The following DNAH3 variants were observed in gnomAD, a reference collection of about 807,000 sequenced individuals.
DNAH3 encodes the protein dynein axonemal heavy chain 3.
Under a neutral mutation model 432.5 loss-of-function variants are expected in DNAH3, and 332 were observed. The ratio of observed to expected loss-of-function variants is 0.77; its 90% CI spans 0.70 to 0.84. The LOEUF (loss-of-function observed/expected upper bound fraction) is 0.84. Among genes scored for constraint, DNAH3 ranks in the 40% least tolerant of loss-of-function variants. DNAH3 has a pLI of 0.00. For synonymous variants in DNAH3, 1,956 were observed against 1,900.2 expected (o/e 1.03, Z -0.76); for missense variants, 4,861 against 5,114.0 (o/e 0.95, Z 1.51).
At chr16:21,024,794 A>T (rs2088455389) in intron 38 of DNAH3, 93 bp from the exon 39 acceptor site, 1 of 958,946 alleles carries the variant, frequency 1.0e-6, no homozygotes, top group Non-Finnish European at 1.7e-6. Flanking sequence ...GTCAGGCACC[A>T]TGCTAGGCAT....
chr16:21,025,511 C>T (rs330152), intron 38 of DNAH3, among the ~76,000 whole-genome samples: 75,778 of 146,928 alleles, frequency 0.52, 19,722 homozygotes, highest in African/African-American at 0.61. Context: ...ATAGATATAA[C>T]ATATTTATAG....
chr16:21,067,283 C>T (rs1326987596), exon 24 of DNAH3: 1 of 1,613,782 alleles, frequency 6.2e-7, no homozygotes, highest in African/African-American at 1.3e-5. Flanking sequence ...TGCTGGATAC[C>T]TGGGGAAGAA....
chr16:20,977,109 T>TCA (rs1296939480), intron 50 of DNAH3, among the ~76,000 whole-genome samples: 3 of 152,176 alleles, frequency 2.0e-5, no homozygotes, highest in Admixed American at 2.0e-4. Flanking sequence ...GCTCAGTGGT[T>TCA]CACACCTGTA....
At chr16:21,095,006 T>G (rs2091638237) in intron 18 of DNAH3, among the ~76,000 whole-genome samples, 1 of 152,174 alleles carries the variant, frequency 6.6e-6, no homozygotes, top group Non-Finnish European at 1.5e-5. Context: ...ATTAAACTTC[T>G]TTTTCTTTAC....
intron 24 of DNAH3, among the ~76,000 whole-genome samples, chr16:21,063,480 T>A (rs920061509): frequency 2.7e-5 from 4 of 149,400 alleles, no homozygotes; most frequent in African/African-American, 9.7e-5. Flanking sequence ...TTATTTATTT[T>A]TTTATTTTAT....
chr16:20,950,010 T>TTTA (rs902160381), intron 56 of DNAH3, among the ~76,000 whole-genome samples: 1 of 152,152 alleles, frequency 6.6e-6, no homozygotes, highest in African/African-American at 2.4e-5. Context: ...TTCACTTCTA[T>TTTA]TTATTATTAT....
chr16:20,972,271 T>C (rs2085377399), intron 51 of DNAH3, among the ~76,000 whole-genome samples: 1 of 151,680 alleles, frequency 6.6e-6, no homozygotes, highest in Admixed American at 6.6e-5. Flanking sequence ...TCTTACTCCG[T>C]TGTCCAGGCT....
At chr16:21,153,931 T>C (rs1026015455) in intron 1 of DNAH3, among the ~76,000 whole-genome samples, 3 of 152,170 alleles carry the variant, frequency 2.0e-5, no homozygotes, top group Admixed American at 6.5e-5. Flanking sequence ...CCATCTCTTA[T>C]ATTATGCTCT....
At chr16:21,102,041 TG>T (rs2091850114) in intron 16 of DNAH3, among the ~76,000 whole-genome samples, 1 of 152,204 alleles carries the variant, frequency 6.6e-6, no homozygotes. Flanking sequence ...ATGAGATGGA[TG>T]GATGCATGAA....
chr16:21,126,562 G>A (rs931767645), intron 8 of DNAH3, among the ~76,000 whole-genome samples: 2 of 152,132 alleles, frequency 1.3e-5, no homozygotes, highest in African/African-American at 2.4e-5. Flanking sequence ...TCTTGAGGCC[G>A]TTTATCTGGA....
exon 55 of DNAH3, chr16:20,955,036 T>C: frequency 6.2e-7 from 1 of 1,610,402 alleles, no homozygotes; most frequent in Non-Finnish European, 8.5e-7. Context: ...ACTTCTCTGA[T>C]GGATAGCTGG....
intron 40 of DNAH3, among the ~76,000 whole-genome samples, 153 bp downstream of exon 40, chr16:21,021,818 A>G (rs1373152781): frequency 6.6e-6 from 1 of 151,782 alleles, no homozygotes; most frequent in Non-Finnish European, 1.5e-5. Context: ...CAGGAGAATC[A>G]CTTGAACCTG....
rs748489814 is a variant in DNAH3 at position 20,975,415 on chromosome 16, C to CCTAG, written c.8077-4_8077-1dup (p.Val2693LeufsTer31). 5.3e-5 allele frequency: 86 copies of CCTAG among 1,613,104 alleles called. No individual in the cohort carries two copies. The East Asian group carries it at 1.6e-3, about 30-fold the overall frequency. ...GTCAGTTCTCTTTGCATAACCGCTACCTAGCAAGGAGAGAGGTGGGAGAAA... is the reference window on the plus strand; with the variant it reads ...GTCAGTTCTCTTTGCATAACCGCTACCTAGCTAGCAAGGAGAGAGGTGGGAGAAA... On this transcript the variant is annotated frameshift_variant and splice_region_variant. Transcript: ENST00000261383. LOFTEE classifies it high-confidence loss of function.
At chr16:20,975,781 G>C (rs2085560583) in intron 50 of DNAH3, among the ~76,000 whole-genome samples, 1 of 151,888 alleles carries the variant, frequency 6.6e-6, no homozygotes, top group Non-Finnish European at 1.5e-5. Context: ...GTCTCACTCT[G>C]TCACCCAGGC....
At chr16:21,146,131 A>G in intron 1 of DNAH3, 43 bp from the exon 3 acceptor site, 6 of 1,396,106 alleles carry the variant, frequency 4.3e-6, no homozygotes, top group Non-Finnish European at 6.1e-6. Flanking sequence ...AAATTAGGGA[A>G]GATTTGCAAG....
intron 38 of DNAH3, 39 bp from the exon 39 acceptor site, chr16:21,024,740 T>A (rs968331685): frequency 1.4e-6 from 2 of 1,466,764 alleles, no homozygotes; most frequent in Admixed American, 3.4e-5. Flanking sequence ...GCTCGCTTCT[T>A]TGTTACTAAT....
intron 1 of DNAH3, among the ~76,000 whole-genome samples, chr16:21,147,872 T>C (rs531355399): frequency 9.9e-5 from 15 of 152,230 alleles, no homozygotes; most frequent in African/African-American, 1.4e-4. Context: ...CACCTGGGAC[T>C]AGTGATGGAG....
chr16:21,152,914 C>G (rs375290310), intron 1 of DNAH3, among the ~76,000 whole-genome samples: 2 of 152,228 alleles, frequency 1.3e-5, no homozygotes, highest in Non-Finnish European at 2.9e-5. Flanking sequence ...CCCGAGCCTC[C>G]CCGACGAGCG....
At position 21,006,631 on chromosome 16, in the gene DNAH3, G is replaced by A. The variant is rs181842256; in HGVS notation, c.6023-3424C>T. On this transcript the variant is annotated intron_variant, in intron 41 of 61. Transcript: ENST00000261383. ...ATTCGCCTATTCTGCCTATATAAAG[G>A]GAATCATATAATATGTGTTCTTTTG... 2.6e-3 allele frequency among the ~76,000 whole-genome samples: 391 copies of A among 152,144 alleles called. 2 individuals carry two copies. Among genetic ancestry groups the A allele is most frequent in the Middle Eastern group, 3.4e-3 (1 of 294 alleles).
Sources: allele counts gnomAD v4.1 joint callset (sites outside exome capture counted in the v4.1 genomes callset), GRCh38; gene constraint gnomAD v4.1.1; transcripts MANE v1.5; gene names NCBI Gene and HGNC (gene_info 2026-07-23, HGNC 2026-07-21).